The following ATP10B variants were observed in gnomAD, a reference collection of about 807,000 sequenced individuals.
The protein encoded by ATP10B is ATPase phospholipid transporting 10B (putative), also known as phospholipid-transporting ATPase VB.
A neutral mutation model predicts 141.2 loss-of-function variants in ATP10B; 122 were observed. The observed-to-expected ratio is 0.86, with a 90% CI of 0.75 to 1.00. The LOEUF is 1.00. ATP10B is among the 50% of genes least tolerant of loss of function. ATP10B has a pLI of 0.00. For missense variants in ATP10B, 1,876 were observed against 1,825.3 expected, an observed-to-expected ratio of 1.03 and a Z score of -0.51; for synonymous variants, 685 against 692.0, an observed-to-expected ratio of 0.99 and a Z score of 0.16.
chr5:160,863,427 C>A, the ATP10B span, among the ~76,000 whole-genome samples: 2 of 151,924 alleles, frequency 1.3e-5, no homozygotes, highest in African/African-American at 4.8e-5. Flanking sequence ...ACAAGAGACA[C>A]AACCTATCAA....
chr5:160,869,872 A>C, the ATP10B span, among the ~76,000 whole-genome samples: 1 of 152,274 alleles, frequency 6.6e-6, no homozygotes, highest in African/African-American at 2.4e-5. Context: ...TTTTTGTTTT[A>C]ACTCTAGGAG....
the ATP10B span, among the ~76,000 whole-genome samples, chr5:160,880,277 G>C: frequency 6.9e-6 from 1 of 145,366 alleles, no homozygotes; most frequent in Admixed American, 6.9e-5. Flanking sequence ...TAATATAAAA[G>C]AAACTATGAT....
chr5:160,874,013 C>G, the ATP10B span, among the ~76,000 whole-genome samples: 3 of 152,350 alleles, frequency 2.0e-5, no homozygotes, highest in South Asian at 2.1e-4. Context: ...CCCAGAAGTT[C>G]GAACTGGGTG....
intron 1 of ATP10B, among the ~76,000 whole-genome samples, chr5:160,829,187 C>G (rs1347618292): frequency 6.6e-6 from 1 of 151,378 alleles, no homozygotes; most frequent in East Asian, 1.9e-4. Flanking sequence ...TGCACATGTA[C>G]CCTAAAACTT....
chr5:160,647,523 C>T (rs532959553), intron 8 of ATP10B, among the ~76,000 whole-genome samples: 22 of 152,218 alleles, frequency 1.4e-4, no homozygotes, highest in African/African-American at 5.1e-4. Flanking sequence ...TCCTGAAATC[C>T]GTCTGAGAGG....
At chr5:160,565,972 G>A in intron 25 of ATP10B, 72 bp from the exon 26 acceptor site, 2 of 1,418,916 alleles carry the variant, frequency 1.4e-6, no homozygotes, top group South Asian at 1.4e-5. Context: ...TTAAAAGATA[G>A]TCTTTAGAAT....
chr5:160,881,583 C>T, the ATP10B span, among the ~76,000 whole-genome samples: 58 of 152,154 alleles, frequency 3.8e-4, no homozygotes, highest in East Asian at 1.2e-3. Context: ...GAGGCCGAGG[C>T]GGGTGGATCA....
chr5:160,889,575 AC>A, the ATP10B span, among the ~76,000 whole-genome samples: 6 of 152,214 alleles, frequency 3.9e-5, no homozygotes, highest in Admixed American at 3.9e-4. Flanking sequence ...GCCTTTGAGC[AC>A]CTAGTGCACG....
At chr5:160,744,427 T>C (rs558892903) in intron 2 of ATP10B, among the ~76,000 whole-genome samples, 1 of 152,346 alleles carries the variant, frequency 6.6e-6, no homozygotes. Context: ...TGTGGCTCTC[T>C]GACTGAGTTC....
intron 1 of ATP10B, among the ~76,000 whole-genome samples, chr5:160,813,054 G>A (rs911517431): frequency 6.6e-5 from 10 of 152,256 alleles, no homozygotes; most frequent in African/African-American, 1.2e-4. Context: ...CTCCCAGTGT[G>A]AGTGATGCAG....
intron 2 of ATP10B, among the ~76,000 whole-genome samples, chr5:160,773,678 T>C (rs1770069968): frequency 1.3e-5 from 2 of 152,212 alleles, no homozygotes; most frequent in African/African-American, 4.8e-5. Context: ...GACTTGACTC[T>C]TAACCACTCT....
At chr5:160,579,814 ATTTG>A (rs1755430079) in intron 24 of ATP10B, among the ~76,000 whole-genome samples, 1 of 152,100 alleles carries the variant, frequency 6.6e-6, no homozygotes, top group Non-Finnish European at 1.5e-5. Flanking sequence ...ATGTTTTTGC[ATTTG>A]TTTGTGTCCT....
intron 6 of ATP10B, chr5:160,684,848 G>A (rs978000168): frequency 2.9e-6 from 2 of 697,422 alleles, no homozygotes; most frequent in East Asian, 5.4e-5. Context: ...CTGTAGATGA[G>A]GCACTCTCGG....
At chr5:160,898,428 A>G in the ATP10B span, among the ~76,000 whole-genome samples, 1 of 152,356 alleles carries the variant, frequency 6.6e-6, no homozygotes, top group Non-Finnish European at 1.5e-5. Context: ...AGAAATGCAA[A>G]TCAAAACCAC....
At chr5:160,733,827 C>T (rs1766916569) in intron 2 of ATP10B, among the ~76,000 whole-genome samples, 1 of 151,482 alleles carries the variant, frequency 6.6e-6, no homozygotes, top group Non-Finnish European at 1.5e-5. Flanking sequence ...GAATGAAGGC[C>T]AGGCACGGTG....
At chr5:160,582,409 T>C (rs1397884922) in intron 24 of ATP10B, among the ~76,000 whole-genome samples, 1 of 152,230 alleles carries the variant, frequency 6.6e-6, no homozygotes, top group Non-Finnish European at 1.5e-5. Context: ...TTATGAAGCT[T>C]AGTTTGGCTG....
rs1485823116 is a variant in ATP10B at position 160,816,535 on chromosome 5, A to G, written c.-575-30732T>C. 2.0e-5 allele frequency among the ~76,000 whole-genome samples: 3 copies of G among 152,188 alleles called. No individual in the cohort carries two copies. In the East Asian group the frequency reaches 5.8e-4, roughly 29 times the overall value. On this transcript the variant is annotated intron_variant, in intron 1 of 25. Transcript: ENST00000327245. Reference sequence around the variant, plus strand: ...ATAGCTTACCAACCAAAAAAAATCCAGGACCACATGGATTCACAGCCGAAT... The same window carrying G: ...ATAGCTTACCAACCAAAAAAAATCCGGGACCACATGGATTCACAGCCGAAT...
chr5:160,755,830 AAAAAAAAAATATATATATATATATAT>A (rs1768519892), intron 2 of ATP10B, among the ~76,000 whole-genome samples: 1 of 68,664 alleles, frequency 1.5e-5, no homozygotes, highest in African/African-American at 7.9e-5. Flanking sequence ...AAAAAAAAAA[AAAAAAAAAATATATATATATATATAT>A]ATATATATAT....
intron 2 of ATP10B, among the ~76,000 whole-genome samples, chr5:160,777,070 G>A (rs1770385820): frequency 6.6e-6 from 1 of 152,180 alleles, no homozygotes; most frequent in South Asian, 2.1e-4. Context: ...AAAGTTGGGG[G>A]AAAGTTTGAG....
Sources: allele counts gnomAD v4.1 joint callset (sites outside exome capture counted in the v4.1 genomes callset), GRCh38; gene constraint gnomAD v4.1.1; transcripts MANE v1.5; gene names NCBI Gene and HGNC (gene_info 2026-07-23, HGNC 2026-07-21).